The following TOX3 variants were observed in gnomAD, a reference collection of about 807,000 sequenced individuals.
TOX3 encodes the protein TOX high mobility group box family member 3, also known as CAG trinucleotide repeat-containing gene F9 protein.
Under a neutral mutation model 64.3 loss-of-function variants are expected in TOX3, and 22 were observed. The observed-to-expected ratio is 0.34, with a 90% CI of 0.24 to 0.49. TOX3 has a LOEUF of 0.49. TOX3 is among the 20% of genes least tolerant of loss of function. The pLI is 0.99. For missense variants in TOX3, 661 were observed against 714.4 expected, an observed-to-expected ratio of 0.93 and a Z score of 0.85; for synonymous variants, 291 against 273.6, an observed-to-expected ratio of 1.06 and a Z score of -0.63.
intron 1 of TOX3, chr16:52,475,496 C>G (rs1961181731): frequency 1.3e-5 from 2 of 152,154 alleles, no homozygotes; most frequent in African/African-American, 4.8e-5. Context: ...AACTATCTAC[C>G]TAGAAAAAGG....
At chr16:52,469,079 G>A (rs28482799) in intron 1 of TOX3, among the ~76,000 whole-genome samples, 102,115 of 152,092 alleles carry the variant, frequency 0.67, 35,769 homozygotes, top group East Asian at 0.87. Context: ...AATATAAATT[G>A]TAAGACTAAA....
chr16:52,540,894 T>G (rs1211255309), intron 1 of TOX3, among the ~76,000 whole-genome samples: 1 of 152,334 alleles, frequency 6.6e-6, no homozygotes, highest in African/African-American at 2.4e-5. Context: ...AACCTGGCAC[T>G]GCCAACCCAA....
intron 1 of TOX3, among the ~76,000 whole-genome samples, chr16:52,488,836 CT>C (rs2151455525): frequency 6.6e-6 from 1 of 152,252 alleles, no homozygotes; most frequent in African/African-American, 2.4e-5. Context: ...AAAAATGTCT[CT>C]CTCCCAATAG....
At chr16:52,510,902 C>A (rs867627063) in intron 1 of TOX3, among the ~76,000 whole-genome samples, 1 of 152,004 alleles carries the variant, frequency 6.6e-6, no homozygotes, top group Admixed American at 6.6e-5. Context: ...TCATGCAGAG[C>A]ACCTAAATTT....
At chr16:52,487,697 CAA>C (rs1961568995) in intron 1 of TOX3, among the ~76,000 whole-genome samples, 1 of 152,118 alleles carries the variant, frequency 6.6e-6, no homozygotes, top group Non-Finnish European at 1.5e-5. Flanking sequence ...GTCTTAAAAA[CAA>C]GAGAATCAGA....
intron 1 of TOX3, 32 bp from the exon 2 acceptor site, chr16:52,468,606 T>C (rs773772014): frequency 2.0e-5 from 31 of 1,532,786 alleles, no homozygotes; most frequent in Non-Finnish European, 2.6e-5. Flanking sequence ...TACGTTAATA[T>C]GCGGCATAAT....
intron 1 of TOX3, among the ~76,000 whole-genome samples, chr16:52,494,399 C>T (rs1241558914): frequency 6.6e-6 from 1 of 152,212 alleles, no homozygotes; most frequent in African/African-American, 2.4e-5. Context: ...GGTCCCTCCT[C>T]CACTGCCTAC....
chr16:52,444,970 A>C (rs1960120454), intron 5 of TOX3: 1 of 152,224 alleles, frequency 6.6e-6, no homozygotes, highest in Non-Finnish European at 1.5e-5. Flanking sequence ...CAGCATATTA[A>C]ACATGATTTG....
intron 1 of TOX3, among the ~76,000 whole-genome samples, chr16:52,480,067 G>C (rs537250909): frequency 6.6e-6 from 1 of 152,270 alleles, no homozygotes; most frequent in African/African-American, 2.4e-5. Flanking sequence ...CCCTGCTACA[G>C]TCCTTGGGGG....
intron 1 of TOX3, among the ~76,000 whole-genome samples, chr16:52,485,255 TATATATATATATATATAC>T (rs1961495910): frequency 7.0e-6 from 1 of 143,622 alleles, no homozygotes; most frequent in Non-Finnish European, 1.5e-5. Flanking sequence ...TGTATATATA[TATATATATATATATATAC>T]ATATCTCCCA....
rs45508596 is a variant in TOX3 at position 52,486,255 on chromosome 16, C to G, written c.88-17681G>C. Among the ~76,000 whole-genome samples the G allele has an allele frequency of 2.8e-3, 429 of 152,090 alleles. 1 individual carries two copies. Among genetic ancestry groups the G allele is most frequent in the Non-Finnish European group, 4.4e-3 (296 of 67,996 alleles). On this transcript the variant is annotated intron_variant, in intron 1 of 6. Transcript: ENST00000219746. ...CCAAGACACGGATCCCAAAAAGGAG[C>G]CTGAGAAAGGGCAGCAAGGGATGTG... is the stretch of plus-strand genomic sequence containing the variant.
chr16:52,494,325 G>T (rs985946785), intron 1 of TOX3, among the ~76,000 whole-genome samples: 1 of 152,102 alleles, frequency 6.6e-6, no homozygotes, highest in African/African-American at 2.4e-5. Context: ...CCTTCTCTAT[G>T]TCCCGTTCCA....
chr16:52,457,887 A>G (rs2151751334), intron 3 of TOX3, among the ~76,000 whole-genome samples: 1 of 152,288 alleles, frequency 6.6e-6, no homozygotes, highest in Admixed American at 6.5e-5. Flanking sequence ...AATCAGACAT[A>G]CCTACCCATG....
At chr16:52,542,027 C>CCATATCAACTCAGATATGGTAT (rs1226017085) in intron 1 of TOX3, among the ~76,000 whole-genome samples, 5 of 152,136 alleles carry the variant, frequency 3.3e-5, no homozygotes. Context: ...GTCAACGGAT[C>CCATATCAACTCAGATATGGTAT]CATATCAACT....
intron 3 of TOX3, among the ~76,000 whole-genome samples, chr16:52,452,908 T>A (rs187337090): frequency 1.1e-3 from 172 of 152,330 alleles, no homozygotes; most frequent in African/African-American, 4.0e-3. Flanking sequence ...ACCGGCAGTG[T>A]TCTCCTTCGT....
chr16:52,438,894 A>T lies in TOX3; in HGVS notation c.*331T>A. The T allele has an allele frequency of 1.9e-6, 1 of 533,424 alleles. No homozygotes were observed. Among genetic ancestry groups the T allele is most frequent in the South Asian group, 1.4e-5 (1 of 70,758 alleles). The allele number at this position is 533,424 out of a possible 1,614,324, so 33.0% of individuals were successfully genotyped here. The stretch of plus-strand genomic sequence containing the variant: ...ATAAGGCCATTTTTCTATGACTCAG[A>T]GAGGCCAGTTTATAGTCATCAGTAT... On this transcript the variant is annotated 3_prime_UTR_variant, in exon 7 of 7. Transcript: ENST00000219746.
chr16:52,482,904 C>G (rs1362548764), intron 1 of TOX3, among the ~76,000 whole-genome samples: 3 of 152,088 alleles, frequency 2.0e-5, no homozygotes, highest in Non-Finnish European at 4.4e-5. Flanking sequence ...ATCTATAAAG[C>G]CAATCTATAA....
intron 1 of TOX3, among the ~76,000 whole-genome samples, chr16:52,527,055 C>T (rs1567351699): frequency 2.0e-5 from 3 of 152,258 alleles, no homozygotes. Context: ...GACAAAACTG[C>T]TTCTTAAATC....
intron 2 of TOX3, among the ~76,000 whole-genome samples, chr16:52,464,566 T>C (rs1450065428): frequency 6.6e-6 from 1 of 152,230 alleles, no homozygotes; most frequent in African/African-American, 2.4e-5. Flanking sequence ...GCTGATGATT[T>C]TGTGGCATGC....
Sources: gnomAD v4.1 joint callset for allele counts (sites outside exome capture counted in the v4.1 genomes callset) on GRCh38, gnomAD v4.1.1 for gene constraint, MANE v1.5 for transcripts, NCBI Gene and HGNC (gene_info 2026-07-23, HGNC 2026-07-21) for gene names.